Variants in PSMF1 observed in about 807,000 individuals in gnomAD.
The protein encoded by PSMF1 is proteasome inhibitor PI31 subunit.
In PSMF1, 30 loss-of-function variants were observed where a neutral mutation model predicts 29.3. The ratio of observed to expected loss-of-function variants is 1.02; its 90% CI spans 0.77 to 1.39. The LOEUF (loss-of-function observed/expected upper bound fraction) is 1.39. PSMF1 is among the 40% of genes most tolerant of loss of function. The probability of loss-of-function intolerance (pLI) is 0.00; values close to 1 mark genes in which losing one functional copy is unlikely to be tolerated. For synonymous variants in PSMF1, 134 were observed against 139.7 expected (o/e 0.96, Z 0.29); for missense variants, 344 against 357.5 (o/e 0.96, Z 0.31).
At chr20:1,125,182 C>T (rs1477595125) in intron 1 of PSMF1, among the ~76,000 whole-genome samples, 3 of 152,194 alleles carry the variant, frequency 2.0e-5, no homozygotes, top group Non-Finnish European at 4.4e-5. Context: ...CAGTGTTCCT[C>T]AAGATGACTG....
intron 4 of PSMF1, among the ~76,000 whole-genome samples, chr20:1,159,148 A>G (rs1190376979): frequency 6.6e-6 from 1 of 152,088 alleles, no homozygotes; most frequent in Non-Finnish European, 1.5e-5. Context: ...GTCTTTGTTG[A>G]ATATGAGCCA....
In PSMF1 at chr20:1,158,216, T is replaced by TAA. The variant is rs11380096; in HGVS notation, c.552-4906_552-4905dup. The stretch of plus-strand genomic sequence containing the variant: ...GATGTCAATCTTTTAAAAACTAAAT[T>TAA]AAAAAAAAACTAAACAAATTGTAGC... On this transcript the variant is annotated intron_variant, in intron 4 of 6. Coordinates refer to ENST00000335877, the MANE Select transcript of PSMF1 (RefSeq NM_006814.5). Among the ~76,000 whole-genome samples, 6 of 151,408 alleles carry TAA rather than the reference T, an allele frequency of 4.0e-5. No homozygotes were observed. In the East Asian group the frequency reaches 9.7e-4, roughly 25 times the overall value.
At chr20:1,126,814 G>A (rs2086162424) in intron 2 of PSMF1, among the ~76,000 whole-genome samples, 1 of 152,184 alleles carries the variant, frequency 6.6e-6, no homozygotes, top group South Asian at 2.1e-4. Context: ...AAGAGGCAGA[G>A]TTTGCTGTGA....
chr20:1,153,612 G>A (rs895668965), intron 4 of PSMF1, among the ~76,000 whole-genome samples: 1 of 151,994 alleles, frequency 6.6e-6, no homozygotes, highest in Admixed American at 6.6e-5. Context: ...CTGGGGATTA[G>A]GAGTTGTGGA....
At chr20:1,144,392 C>A (rs917379802) in intron 4 of PSMF1, among the ~76,000 whole-genome samples, 1 of 152,190 alleles carries the variant, frequency 6.6e-6, no homozygotes, top group African/African-American at 2.4e-5. Context: ...TAAACGTGTA[C>A]ATAATAGTTA....
At chr20:1,131,050 G>A (rs1047661617) in intron 3 of PSMF1, among the ~76,000 whole-genome samples, 2 of 152,020 alleles carry the variant, frequency 1.3e-5, no homozygotes, top group South Asian at 2.1e-4. Context: ...AGGAAAGGGG[G>A]AAGTGAGCCA....
intron 1 of PSMF1, among the ~76,000 whole-genome samples, chr20:1,122,757 C>A (rs1007537889): frequency 1.3e-5 from 2 of 152,194 alleles, no homozygotes; most frequent in Non-Finnish European, 2.9e-5. Context: ...GGTCTGTCCT[C>A]TGTTTACTGG....
chr20:1,135,548 A>G (rs1382906524), intron 4 of PSMF1, among the ~76,000 whole-genome samples: 2 of 152,210 alleles, frequency 1.3e-5, no homozygotes, highest in Non-Finnish European at 2.9e-5. Context: ...TAGGGGCCAC[A>G]CAGAGCCCCT....
At chr20:1,141,117 T>C (rs2086374891) in intron 4 of PSMF1, among the ~76,000 whole-genome samples, 1 of 152,180 alleles carries the variant, frequency 6.6e-6, no homozygotes, top group Non-Finnish European at 1.5e-5. Flanking sequence ...ATGTCCAGAA[T>C]AGGCAACTTT....
chr20:1,132,711 A>G (rs1355456188), intron 3 of PSMF1, among the ~76,000 whole-genome samples: 2 of 152,154 alleles, frequency 1.3e-5, no homozygotes, highest in Non-Finnish European at 2.9e-5. Context: ...AACATGATAT[A>G]TCTTATCTCT....
chr20:1,147,647 A>G (rs1043012793), intron 4 of PSMF1, among the ~76,000 whole-genome samples: 4 of 152,060 alleles, frequency 2.6e-5, no homozygotes, highest in African/African-American at 4.8e-5. Flanking sequence ...CCTCTAGCAA[A>G]TTGACAGCCT....
intron 4 of PSMF1, among the ~76,000 whole-genome samples, chr20:1,144,296 A>C (rs2086421011): frequency 6.6e-6 from 1 of 152,230 alleles, no homozygotes; most frequent in Non-Finnish European, 1.5e-5. Context: ...GAGAGAGTGC[A>C]GAAAAACTGG....
intron 1 of PSMF1, among the ~76,000 whole-genome samples, chr20:1,120,649 G>T (rs2086075401): frequency 6.6e-6 from 1 of 152,148 alleles, no homozygotes; most frequent in Non-Finnish European, 1.5e-5. Context: ...AAAGAAACTG[G>T]TATGTGGGAT....
At position 1,166,618 on chromosome 20, in the gene PSMF1, A is replaced by C; in HGVS notation, c.*1538A>C. On this transcript the variant is annotated 3_prime_UTR_variant, in exon 7 of 7. Transcript: ENST00000335877. The stretch of plus-strand genomic sequence containing the variant: ...GCGTGGCTCCCTGGGTATTTCTGTC[A>C]GTCCCCATGGCAAGCAGTGATTTAG... 1 of 262,102 alleles carries C rather than the reference A, an allele frequency of 3.8e-6. No homozygotes were observed. Among genetic ancestry groups the C allele is most frequent in the Non-Finnish European group, 7.6e-6 (1 of 132,242 alleles). The allele number at this position is 262,102 out of a possible 1,614,324, so 16.2% of individuals were successfully genotyped here. A position where few individuals can be genotyped will look rare whatever the true frequency, so the allele number is the denominator to read the frequency against.
intron 4 of PSMF1, among the ~76,000 whole-genome samples, chr20:1,155,139 C>T (rs1416434933): frequency 6.6e-6 from 1 of 152,192 alleles, no homozygotes; most frequent in East Asian, 1.9e-4. Flanking sequence ...CCTCTGATAT[C>T]CTGCAGTCCA....
chr20:1,160,873 C>T, intron 4 of PSMF1: 1 of 455,188 alleles, frequency 2.2e-6, no homozygotes, highest in South Asian at 1.8e-5. Flanking sequence ...GCATGTGTTC[C>T]TGGAGGAGCA....
intron 4 of PSMF1, among the ~76,000 whole-genome samples, chr20:1,155,194 G>GGA (rs1568480382): frequency 3.9e-5 from 6 of 152,282 alleles, no homozygotes; most frequent in Admixed American, 3.3e-4. Flanking sequence ...TGGCGTGGAC[G>GGA]GAGAGTGTTC....
At chr20:1,162,300 T>A (rs2086676820) in intron 4 of PSMF1, among the ~76,000 whole-genome samples, 1 of 152,186 alleles carries the variant, frequency 6.6e-6, no homozygotes, top group African/African-American at 2.4e-5. Context: ...AATTCTTGAG[T>A]CTTTAAGAGA....
rs202147585 is a variant in PSMF1 at position 1,163,104 on chromosome 20, C to G, written c.552-26C>G. On this transcript the variant is annotated intron_variant, in intron 4 of 6. Transcript: ENST00000335877. The surrounding 1 kb of genome is among the most constrained non-coding windows in gnomAD (Gnocchi z 6.1). ...AGGTGCCTGGCTGCTCTGGGACTTG[C>G]AGTAATTGTCTCTTGTTTGTTTCAG... The G allele has an allele frequency of 8.7e-6, 14 of 1,613,668 alleles. No individual in the cohort carries two copies. The highest frequency in any genetic ancestry group is 1.1e-5 in the Non-Finnish European group (13 of 1,179,768).
Sources: allele counts gnomAD v4.1 joint callset (sites outside exome capture counted in the v4.1 genomes callset), GRCh38; gene constraint gnomAD v4.1.1; non-coding constraint Gnocchi (gnomAD v3.1); transcripts MANE v1.5; gene names NCBI Gene and HGNC (gene_info 2026-07-23, HGNC 2026-07-21).